WNT3A: variants seen among roughly 807,000 people sequenced by gnomAD.
The protein encoded by WNT3A is Wnt family member 3A.
In WNT3A, 17 loss-of-function variants were observed where a neutral mutation model predicts 37.0. The ratio of observed to expected loss-of-function variants is 0.46; its 90% CI spans 0.31 to 0.69. The LOEUF (loss-of-function observed/expected upper bound fraction) is 0.69, where lower values mean the gene tolerates loss of function less well. Among genes scored for constraint, WNT3A ranks in the 30% least tolerant of loss-of-function variants. The pLI is 0.05. For missense variants in WNT3A, 411 were observed against 510.2 expected, an observed-to-expected ratio of 0.81 and a Z score of 1.87; for synonymous variants, 187 against 211.0, an observed-to-expected ratio of 0.89 and a Z score of 0.99.
At chr1:228,043,853 T>C (rs2102775859) in intron 2 of WNT3A, among the ~76,000 whole-genome samples, 1 of 152,336 alleles carries the variant, frequency 6.6e-6, no homozygotes, top group East Asian at 1.9e-4. Context: ...GCAGATTCCC[T>C]CTAGAACCTT....
chr1:228,029,740 AC>A lies in WNT3A; in HGVS notation c.313+6842del, dbSNP rs375574099. ...CGCAATAGTATGAATGCTTGTGCCC[AC>A]CCCCCCCCCAATTCCTACATTGAAA... On this transcript the variant is annotated intron_variant, in intron 2 of 3. Coordinates refer to ENST00000284523, the MANE Select transcript of WNT3A (RefSeq NM_033131.4). Among the ~76,000 whole-genome samples, 838 of 105,652 alleles carry A rather than the reference AC, an allele frequency of 7.9e-3. 1 individual carries two copies. The highest frequency in any genetic ancestry group is 0.018 in the Middle Eastern group (4 of 226). The allele number at this position is 105,652 out of a possible 152,430, so 69.3% of individuals were successfully genotyped here.
chr1:228,010,686 C>T, intron 1 of WNT3A, among the ~76,000 whole-genome samples: 1 of 152,238 alleles, frequency 6.6e-6, no homozygotes, highest in South Asian at 2.1e-4. Context: ...CAGATGGCCA[C>T]CCCAGTTGTC....
intron 2 of WNT3A, among the ~76,000 whole-genome samples, chr1:228,045,763 G>T (rs2031389178): frequency 6.6e-6 from 1 of 152,216 alleles, no homozygotes; most frequent in South Asian, 2.1e-4. Context: ...AGGAAACAGC[G>T]GAGGTTGCAT....
chr1:228,007,258 T>C lies in WNT3A; in HGVS notation c.71+59T>C. ...TGTGCGCCGCGCCCGCAGCAGACGG[T>C]CCCCTCGGGCAGGGACCCCGCGGTG... On this transcript the variant is annotated intron_variant, in intron 1 of 3. Coordinates refer to ENST00000284523, the MANE Select transcript of WNT3A (RefSeq NM_033131.4). This position sits in a 1 kb window ranked among gnomAD's most constrained non-coding sequence, Gnocchi z 6.0. 1 of 1,536,480 alleles carries C rather than the reference T, an allele frequency of 6.5e-7. No individual in the cohort carries two copies. The highest frequency in any genetic ancestry group is 1.2e-5 in the South Asian group (1 of 84,024).
At chr1:228,040,087 A>G (rs2102773632) in intron 2 of WNT3A, among the ~76,000 whole-genome samples, 1 of 152,302 alleles carries the variant, frequency 6.6e-6, no homozygotes, top group Admixed American at 6.5e-5. Context: ...CCAGCCAGGC[A>G]GGTGGGCTCC....
chr1:228,058,932 G>A (rs868039385), intron 3 of WNT3A, 54 bp from the exon 4 acceptor site: 1 of 1,515,820 alleles, frequency 6.6e-7, no homozygotes, highest in Non-Finnish European at 8.9e-7. Flanking sequence ...CTGTTTCCTC[G>A]GGGAGACGCA....
At position 228,049,971 on chromosome 1, in the gene WNT3A, G is replaced by A. The variant is rs530193407; in HGVS notation, c.314-685G>A. On this transcript the variant is annotated intron_variant, in intron 2 of 3. Transcript: ENST00000284523. ...TTTAACATTTTTTTGTAGAGATGGGGTCTTGCTACATTGCCAAGGCTGGTC... is the reference window on the plus strand; with the variant it reads ...TTTAACATTTTTTTGTAGAGATGGGATCTTGCTACATTGCCAAGGCTGGTC... 6.6e-5 allele frequency among the ~76,000 whole-genome samples: 10 copies of A among 152,116 alleles called. No individual in the cohort carries two copies. In the South Asian group the frequency reaches 2.1e-3, roughly 32 times the overall value.
intron 1 of WNT3A, among the ~76,000 whole-genome samples, chr1:228,010,621 C>T (rs1045735000): frequency 6.6e-6 from 1 of 152,234 alleles, no homozygotes; most frequent in African/African-American, 2.4e-5. Context: ...TCTGCCCGGC[C>T]GTCACCAGCT....
rs910023178 is a variant in WNT3A at position 228,037,285 on chromosome 1, C to T, written c.314-13371C>T. Among the ~76,000 whole-genome samples, 14 of 152,252 alleles carry T rather than the reference C, an allele frequency of 9.2e-5. No individual in the cohort carries two copies. The highest frequency in any genetic ancestry group is 3.4e-4 in the African/African-American group (14 of 41,538). ...CTGTGAACCCCAGGGTATCCCCACT[C>T]AAAGCACACGGCCAGATTCCTGGTT... On this transcript the variant is annotated intron_variant, in intron 2 of 3. Coordinates refer to ENST00000284523, the MANE Select transcript of WNT3A (RefSeq NM_033131.4). The surrounding 1 kb of genome is among the most constrained non-coding windows in gnomAD (Gnocchi z 4.1).
intron 2 of WNT3A, among the ~76,000 whole-genome samples, chr1:228,049,925 A>G (rs1003439051): frequency 6.6e-5 from 10 of 151,796 alleles, no homozygotes; most frequent in African/African-American, 2.2e-4. Flanking sequence ...CTACATGCAC[A>G]CACCACTGCA....
At chr1:228,014,396 C>T (rs12565803) in intron 1 of WNT3A, among the ~76,000 whole-genome samples, 46 of 152,330 alleles carry the variant, frequency 3.0e-4, no homozygotes, top group East Asian at 1.2e-3. Context: ...GAGGTCCCCA[C>T]GCCCCCAGCA....
chr1:228,015,682 G>A (rs529163079), intron 1 of WNT3A, among the ~76,000 whole-genome samples: 357 of 152,214 alleles, frequency 2.3e-3, no homozygotes, highest in Non-Finnish European at 2.8e-3. Flanking sequence ...GGGAGTGACG[G>A]ATGGCAAGAC....
At chr1:228,056,569 G>A (rs1260295366) in intron 3 of WNT3A, among the ~76,000 whole-genome samples, 1 of 152,190 alleles carries the variant, frequency 6.6e-6, no homozygotes, top group African/African-American at 2.4e-5. Flanking sequence ...AGAAGATTTG[G>A]AGGATCTGTC....
intron 2 of WNT3A, among the ~76,000 whole-genome samples, chr1:228,040,181 G>A (rs2031244484): frequency 6.6e-6 from 1 of 152,216 alleles, no homozygotes; most frequent in Non-Finnish European, 1.5e-5. Context: ...GATGAGTTCA[G>A]GGACCTCTCT....
chr1:228,055,182 ATATATATATATATATATAT>A (rs2031657861), intron 3 of WNT3A, among the ~76,000 whole-genome samples: 4 of 26,106 alleles, frequency 1.5e-4, no homozygotes, highest in Admixed American at 5.4e-4. Flanking sequence ...AAAAAAAAAT[ATATATATATATATATATAT>A]ATATATATAT....
At position 228,038,764 on chromosome 1, in the gene WNT3A, C is replaced by A. The variant is rs1258136086; in HGVS notation, c.314-11892C>A. On this transcript the variant is annotated intron_variant, in intron 2 of 3. Coordinates refer to ENST00000284523, the MANE Select transcript of WNT3A (RefSeq NM_033131.4). The surrounding 1 kb of genome is among the most constrained non-coding windows in gnomAD (Gnocchi z 5.7). ...GTGTTCGCTGTGACCCTCCATCCCC[C>A]AGGATGCCTGAAGGCCAGTCCCTGG... Among the ~76,000 whole-genome samples, 3 of 152,218 alleles carry A rather than the reference C, an allele frequency of 2.0e-5. No homozygotes were observed. The highest frequency in any genetic ancestry group is 7.2e-5 in the African/African-American group (3 of 41,446).
intron 1 of WNT3A, among the ~76,000 whole-genome samples, chr1:228,016,507 T>C (rs2030536542): frequency 1.3e-5 from 2 of 152,030 alleles, no homozygotes; most frequent in Non-Finnish European, 2.9e-5. Flanking sequence ...GGGGCTGCAT[T>C]GGGGACAGGA....
chr1:228,059,424 C>T lies in WNT3A; in HGVS notation c.1018C>T (p.Gln340Ter). 6.5e-7 allele frequency: 1 copy of T among 1,542,162 alleles called. No individual in the cohort carries two copies. Among genetic ancestry groups the T allele is most frequent in the Non-Finnish European group, 8.7e-7 (1 of 1,148,776 alleles). Reference protein sequence around the residue: ...VFHWCCYVSCQECTRVYDVHT... With the variant: ...VFHWCCYVSC Reference sequence around the variant, plus strand: ...CCACTGGTGCTGCTACGTCAGCTGCCAGGAGTGCACGCGCGTCTACGACGT... The same window carrying T: ...CCACTGGTGCTGCTACGTCAGCTGCTAGGAGTGCACGCGCGTCTACGACGT... The change falls in exon 4 of 4, where the codon CAG (glutamine) becomes TAG (stop). Residue 340 changes from glutamine (Q) to a stop codon, truncating the protein, a stop_gained. Transcript: ENST00000284523. LOFTEE classifies it high-confidence loss of function.
rs987596565 is a variant in WNT3A, at chr1:228,039,929, C to T, written c.314-10727C>T. Among the ~76,000 whole-genome samples the T allele has an allele frequency of 6.6e-6, 1 of 152,188 alleles. No homozygotes were observed. Among genetic ancestry groups the T allele is most frequent in the Non-Finnish European group, 1.5e-5 (1 of 68,038 alleles). ...TCCCTCCTTCAAGTTGTTTGTCCCT[C>T]AGAAAAGCCACTCAGGAGTCCCCTC... On this transcript the variant is annotated intron_variant, in intron 2 of 3. Coordinates refer to ENST00000284523, the MANE Select transcript of WNT3A (RefSeq NM_033131.4). The surrounding 1 kb of genome is among the most constrained non-coding windows in gnomAD (Gnocchi z 4.1).
Sources: gnomAD v4.1 joint callset for allele counts (sites outside exome capture counted in the v4.1 genomes callset) on GRCh38, gnomAD v4.1.1 for gene constraint, Gnocchi (gnomAD v3.1) non-coding constraint, MANE v1.5 for transcripts, NCBI Gene and HGNC (gene_info 2026-07-23, HGNC 2026-07-21) for gene names.